The following TBC1D5 variants were observed in gnomAD, a reference collection of about 807,000 sequenced individuals.
TBC1D5 encodes the protein TBC1 domain family member 5.
TBC1D5 carries 75 observed loss-of-function variants against 100.3 expected under a neutral mutation model. The ratio of observed to expected loss-of-function variants is 0.75; its 90% confidence interval spans 0.62 to 0.91. The LOEUF (loss-of-function observed/expected upper bound fraction) is 0.91, where lower values mean the gene tolerates loss of function less well. Among genes scored for constraint, TBC1D5 ranks in the 40% least tolerant of loss-of-function variants. The probability of loss-of-function intolerance (pLI) is 0.00; values close to 1 mark genes in which losing one functional copy is unlikely to be tolerated. For synonymous variants in TBC1D5, 323 were observed against 325.6 expected, an observed-to-expected ratio of 0.99 and a Z score of 0.09; for missense variants, 910 against 942.4, an observed-to-expected ratio of 0.97 and a Z score of 0.45.
chr3:17,364,311 C>T (rs73145887), intron 13 of TBC1D5, among the ~76,000 whole-genome samples: 9,230 of 152,012 alleles, frequency 0.061, 547 homozygotes, highest in African/African-American at 0.15. Flanking sequence ...CCCATTCATC[C>T]ATCTTCTCAT....
At chr3:17,216,806 T>A (rs571414653) in intron 17 of TBC1D5, among the ~76,000 whole-genome samples, 124 of 152,276 alleles carry the variant, frequency 8.1e-4, no homozygotes, top group African/African-American at 2.7e-3. Context: ...TTTCTTTTTT[T>A]AAAATTACCC....
chr3:17,596,903 C>T (rs903099575), intron 2 of TBC1D5, among the ~76,000 whole-genome samples: 1 of 152,140 alleles, frequency 6.6e-6, no homozygotes, highest in East Asian at 1.9e-4. Context: ...CTATGGAACA[C>T]TGATGACCCG....
At chr3:17,209,500 T>A (rs2072679836) in intron 18 of TBC1D5, among the ~76,000 whole-genome samples, 1 of 152,160 alleles carries the variant, frequency 6.6e-6, no homozygotes, top group South Asian at 2.1e-4. Context: ...GAGAGTATTA[T>A]CCCCTGATTT....
At chr3:17,590,468 G>A (rs1176268383) in intron 2 of TBC1D5, among the ~76,000 whole-genome samples, 1 of 152,178 alleles carries the variant, frequency 6.6e-6, no homozygotes, top group Non-Finnish European at 1.5e-5. Context: ...GAATCCAAAG[G>A]CTTAGGAAGA....
intron 2 of TBC1D5, among the ~76,000 whole-genome samples, chr3:17,567,983 AAAC>A (rs1485045691): frequency 6.6e-6 from 1 of 151,580 alleles, no homozygotes; most frequent in Non-Finnish European, 1.5e-5. Context: ...TACTAAATCA[AAAC>A]AACAAGAGTA....
chr3:17,372,954 C>T (rs577257037), intron 12 of TBC1D5, among the ~76,000 whole-genome samples: 6 of 152,058 alleles, frequency 3.9e-5, no homozygotes, highest in East Asian at 3.9e-4. Context: ...TTAGGCTTTA[C>T]GAGTCATACA....
chr3:17,413,250 C>T (rs563875738), intron 4 of TBC1D5, among the ~76,000 whole-genome samples: 2 of 152,270 alleles, frequency 1.3e-5, no homozygotes. Flanking sequence ...TACTGGCTGC[C>T]TTGGAAGCAC....
chr3:17,288,859 C>T (rs936500954), intron 15 of TBC1D5, among the ~76,000 whole-genome samples: 3 of 152,194 alleles, frequency 2.0e-5, no homozygotes, highest in African/African-American at 7.2e-5. Context: ...CTCTACCCTC[C>T]GCTGGCAGAG....
At chr3:17,489,476 G>A (rs116572026) in intron 3 of TBC1D5, among the ~76,000 whole-genome samples, 2,516 of 152,072 alleles carry the variant, frequency 0.017, 51 homozygotes, top group South Asian at 0.047. Flanking sequence ...TTGTATTTTT[G>A]TTTTGCTGTC....
intron 19 of TBC1D5, among the ~76,000 whole-genome samples, chr3:17,169,210 T>A (rs1348327061): frequency 6.6e-6 from 1 of 152,232 alleles, no homozygotes; most frequent in Non-Finnish European, 1.5e-5. Context: ...TAACAGGATA[T>A]AAACTCCAAG....
At chr3:17,174,513 A>T (rs2067500288) in intron 19 of TBC1D5, among the ~76,000 whole-genome samples, 1 of 152,020 alleles carries the variant, frequency 6.6e-6, no homozygotes, top group Non-Finnish European at 1.5e-5. Context: ...ATTTTACTTA[A>T]CTTTTACATA....
chr3:17,710,642 TAAGAGG>T (rs2074627022), intron 1 of TBC1D5, among the ~76,000 whole-genome samples: 1 of 152,094 alleles, frequency 6.6e-6, no homozygotes, highest in Non-Finnish European at 1.5e-5. Flanking sequence ...CTTGATACGA[TAAGAGG>T]AAAAGACAGG....
At chr3:17,382,989 G>A (rs2093010516) in intron 9 of TBC1D5, among the ~76,000 whole-genome samples, 1 of 151,864 alleles carries the variant, frequency 6.6e-6, no homozygotes, top group Admixed American at 6.6e-5. Context: ...ATTGTCAGCA[G>A]TTAATTAATA....
Position 17,659,466 on chromosome 3 carries a change from T to C in TBC1D5, c.-100-35553A>G, listed in dbSNP as rs79880982. Among the ~76,000 whole-genome samples the C allele has an allele frequency of 5.3e-3, 814 of 152,176 alleles. 12 individuals carry two copies. The highest frequency in any genetic ancestry group is 0.019 in the African/African-American group (783 of 41,490). ...AAGGCATCTAGAATGCCTTGTTTTT[T>C]AATCCTAAAAAAGGCAAAGAGATCC... On this transcript the variant is annotated intron_variant, in intron 1 of 21. Coordinates refer to ENST00000253692, the Ensembl canonical transcript of TBC1D5.
chr3:17,309,822 CT>C (rs1423979422), intron 13 of TBC1D5, among the ~76,000 whole-genome samples: 1 of 152,048 alleles, frequency 6.6e-6, no homozygotes, highest in East Asian at 1.9e-4. Context: ...AGTACATGAA[CT>C]AAACCATTTT....
Position 17,166,951 on chromosome 3 carries a change from T to A in TBC1D5, c.1933-23A>T, listed in dbSNP as rs1452251000. 1.1e-5 allele frequency: 17 copies of A among 1,575,976 alleles called. No homozygotes were observed. The Admixed American group carries it at 1.7e-4, about 16-fold the overall frequency. ...GATCTATTTTCAAAGAAGAAGAAAA[T>A]AAATGAAAAAAATGGATGAGTTTGT... On this transcript the variant is annotated intron_variant, in intron 20 of 21. Transcript: ENST00000253692.
At position 17,294,195 on chromosome 3, in the gene TBC1D5, CATTT is replaced by C. The variant is rs35808278; in HGVS notation, c.1139-2198_1139-2195del. ...AGAAAAGCTTGATTGATTGACTAAT[CATTT>C]ATTTATTTATTTATTTATTTATTTA... On this transcript the variant is annotated intron_variant, in intron 14 of 21. Coordinates refer to ENST00000253692, the Ensembl canonical transcript of TBC1D5. Among the ~76,000 whole-genome samples the C allele has an allele frequency of 4.6e-3, 696 of 150,590 alleles. 1 individual carries two copies. The highest frequency in any genetic ancestry group is 6.3e-3 in the Non-Finnish European group (424 of 67,538).
chr3:17,377,790 G>C (rs1171149143), intron 9 of TBC1D5, among the ~76,000 whole-genome samples: 2 of 151,796 alleles, frequency 1.3e-5, no homozygotes, highest in Non-Finnish European at 2.9e-5. Flanking sequence ...CACTAGCTTT[G>C]AATTAAAAAG....
At chr3:17,471,015 A>G (rs767004267) in intron 3 of TBC1D5, among the ~76,000 whole-genome samples, 3 of 152,362 alleles carry the variant, frequency 2.0e-5, no homozygotes, top group African/African-American at 7.2e-5. Flanking sequence ...TGACGATACC[A>G]TATCACTAAA....
Sources: gnomAD v4.1 joint callset for allele counts (sites outside exome capture counted in the v4.1 genomes callset) on GRCh38, gnomAD v4.1.1 for gene constraint, MANE v1.5 for transcripts, NCBI Gene and HGNC (gene_info 2026-07-23, HGNC 2026-07-21) for gene names.